The following CDH13 variants were observed in gnomAD, a reference collection of about 807,000 sequenced individuals.
CDH13 encodes the protein cadherin 13.
Under a neutral mutation model 63.8 loss-of-function variants are expected in CDH13, and 24 were observed. That is an observed-to-expected ratio of 0.38 (90% CI 0.27 to 0.53). The LOEUF (loss-of-function observed/expected upper bound fraction) is 0.53, where lower values mean the gene tolerates loss of function less well. Ranked by LOEUF, CDH13 falls within the 20% of genes least tolerant of loss-of-function variation. CDH13 has a pLI of 0.85. For missense variants in CDH13, 1,049 were observed against 903.1 expected, an observed-to-expected ratio of 1.16 and a Z score of -2.07; for synonymous variants, 503 against 355.3, an observed-to-expected ratio of 1.42 and a Z score of -4.67.
intron 2 of CDH13, among the ~76,000 whole-genome samples, chr16:82,878,378 A>G (rs571028707): frequency 6.6e-6 from 1 of 151,794 alleles, no homozygotes; most frequent in African/African-American, 2.4e-5. Context: ...CTTTGCTCCT[A>G]ATCATCTCTA....
intron 7 of CDH13, among the ~76,000 whole-genome samples, chr16:83,513,811 G>T (rs2074632790): frequency 6.6e-6 from 1 of 152,096 alleles, no homozygotes; most frequent in Non-Finnish European, 1.5e-5. Flanking sequence ...TTAACAGTTG[G>T]GTTCAAAGAC....
intron 2 of CDH13, among the ~76,000 whole-genome samples, chr16:83,029,010 C>T (rs1379554076): frequency 6.6e-6 from 1 of 152,108 alleles, no homozygotes; most frequent in African/African-American, 2.4e-5. Context: ...ACTCCATGAG[C>T]CTCAGTTTCC....
At chr16:83,231,569 C>T (rs1319601748) in intron 5 of CDH13, among the ~76,000 whole-genome samples, 1 of 152,174 alleles carries the variant, frequency 6.6e-6, no homozygotes, top group Non-Finnish European at 1.5e-5. Context: ...TATGTAGTTA[C>T]ATTAGAAGTA....
At chr16:83,471,479 T>C (rs891790908) in intron 6 of CDH13, among the ~76,000 whole-genome samples, 1 of 152,188 alleles carries the variant, frequency 6.6e-6, no homozygotes, top group Non-Finnish European at 1.5e-5. Context: ...TTTTACCATC[T>C]TGGCCAGGCT....
intron 1 of CDH13, among the ~76,000 whole-genome samples, chr16:82,709,117 T>A (rs866914889): frequency 3.3e-5 from 5 of 152,280 alleles, no homozygotes; most frequent in Admixed American, 1.3e-4. Flanking sequence ...AACATAACAA[T>A]GGATATAAGC....
intron 4 of CDH13, among the ~76,000 whole-genome samples, chr16:83,138,160 G>A (rs1345245925): frequency 6.6e-6 from 1 of 152,132 alleles, no homozygotes; most frequent in Non-Finnish European, 1.5e-5. Context: ...AAGTGATGAA[G>A]AAAGAGAGTC....
chr16:82,971,881 T>C (rs890205220), intron 2 of CDH13, among the ~76,000 whole-genome samples: 1 of 152,208 alleles, frequency 6.6e-6, no homozygotes, highest in Non-Finnish European at 1.5e-5. Context: ...GGATTCTGCA[T>C]GGCCTGTACC....
chr16:82,819,865 G>T (rs1366865089), intron 1 of CDH13, among the ~76,000 whole-genome samples: 1 of 152,170 alleles, frequency 6.6e-6, no homozygotes, highest in Non-Finnish European at 1.5e-5. Flanking sequence ...AAGTCACATA[G>T]TATTTTAGAA....
At chr16:82,781,031 A>C (rs1453405588) in intron 1 of CDH13, among the ~76,000 whole-genome samples, 4 of 152,314 alleles carry the variant, frequency 2.6e-5, no homozygotes, top group African/African-American at 9.6e-5. Context: ...GTTGCCTGAA[A>C]GGCAGTGGGA....
At chr16:82,980,613 C>G (rs1910135620) in intron 2 of CDH13, among the ~76,000 whole-genome samples, 1 of 152,180 alleles carries the variant, frequency 6.6e-6, no homozygotes, top group African/African-American at 2.4e-5. Flanking sequence ...TCCCAACAAT[C>G]TAGGAAGATA....
intron 10 of CDH13, among the ~76,000 whole-genome samples, chr16:83,746,866 A>C (rs750125679): frequency 1.3e-5 from 2 of 152,198 alleles, no homozygotes; most frequent in Admixed American, 6.5e-5. Flanking sequence ...TACTCTATGC[A>C]TCTATATTGT....
chr16:82,850,670 A>G (rs898532901), intron 1 of CDH13, among the ~76,000 whole-genome samples: 3 of 152,178 alleles, frequency 2.0e-5, no homozygotes, highest in African/African-American at 7.2e-5. Flanking sequence ...TCGTGAAAGG[A>G]AGAGTCGATA....
intron 2 of CDH13, among the ~76,000 whole-genome samples, chr16:82,861,892 C>G (rs888102439): frequency 1.3e-5 from 2 of 152,138 alleles, no homozygotes; most frequent in African/African-American, 4.8e-5. Flanking sequence ...TGCAAAGCTC[C>G]CAACTCAGGG....
intron 2 of CDH13, among the ~76,000 whole-genome samples, chr16:82,998,812 A>G (rs1912535159): frequency 6.7e-6 from 1 of 149,972 alleles, no homozygotes; most frequent in Non-Finnish European, 1.5e-5. Context: ...TCATTCATGT[A>G]CGCCTTAAGC....
At chr16:83,376,253 G>C (rs1440591615) in intron 6 of CDH13, among the ~76,000 whole-genome samples, 1 of 152,142 alleles carries the variant, frequency 6.6e-6, no homozygotes, top group Admixed American at 6.6e-5. Flanking sequence ...CCCAGTTTAA[G>C]TCATGTGCCC....
intron 10 of CDH13, among the ~76,000 whole-genome samples, chr16:83,718,379 G>A (rs1402391869): frequency 1.3e-5 from 2 of 152,212 alleles, no homozygotes; most frequent in Non-Finnish European, 2.9e-5. Context: ...AATAGTGAAA[G>A]TATGGTTTAT....
chr16:83,192,963 C>G (rs1438298339), intron 4 of CDH13, among the ~76,000 whole-genome samples: 2 of 152,050 alleles, frequency 1.3e-5, no homozygotes, highest in Non-Finnish European at 2.9e-5. Flanking sequence ...AAGAGAGGAA[C>G]TATGTACTTG....
intron 5 of CDH13, among the ~76,000 whole-genome samples, chr16:83,242,752 G>C (rs781556737): frequency 2.0e-5 from 3 of 152,222 alleles, no homozygotes; most frequent in African/African-American, 4.8e-5. Context: ...TGTTGGGGAA[G>C]ACTCTGAGGC....
chr16:83,701,747 T>C (rs1237926987), intron 10 of CDH13, among the ~76,000 whole-genome samples: 1 of 152,146 alleles, frequency 6.6e-6, no homozygotes, highest in Non-Finnish European at 1.5e-5. Context: ...ACCCACCAAT[T>C]GCCCAGCACT....
Sources: gnomAD v4.1 joint callset for allele counts (sites outside exome capture counted in the v4.1 genomes callset) on GRCh38, gnomAD v4.1.1 for gene constraint, MANE v1.5 for transcripts, NCBI Gene and HGNC (gene_info 2026-07-23, HGNC 2026-07-21) for gene names.